Variants in WDR7 observed in about 807,000 individuals in gnomAD.
WDR7 encodes the protein WD repeat-containing protein 7.
In WDR7, 46 loss-of-function variants were observed where a neutral mutation model predicts 169.4. The ratio of observed to expected loss-of-function variants is 0.27; its 90% CI spans 0.21 to 0.35. WDR7 has a LOEUF of 0.35. WDR7 is among the 10% of genes least tolerant of loss of function. The pLI is 1.00. For synonymous variants in WDR7, 612 were observed against 666.8 expected, an observed-to-expected ratio of 0.92 and a Z score of 1.27; for missense variants, 1,534 against 1,859.3, an observed-to-expected ratio of 0.83 and a Z score of 3.22.
rs150230476 is a variant in WDR7, at chr18:56,767,480, G to A, written c.2848+8527G>A. ...AAGGCAATAAGCTGGGGTAATCATA[G>A]GATCACAGGGCTCACGTTGCTTGTC... On this transcript the variant is annotated intron_variant, in intron 16 of 27. Transcript: ENST00000254442. Among the ~76,000 whole-genome samples the A allele has an allele frequency of 9.0e-4, 137 of 152,270 alleles. 1 individual carries two copies. Among genetic ancestry groups the A allele is most frequent in the South Asian group, 5.0e-3 (24 of 4,826 alleles).
At chr18:56,681,427 AT>A in intron 4 of WDR7, 36 bp downstream of exon 4, 1 of 1,268,472 alleles carries the variant, frequency 7.9e-7, no homozygotes, top group Non-Finnish European at 1.1e-6. Context: ...AGTACAAACT[AT>A]TATAAGTATA....
intron 26 of WDR7, among the ~76,000 whole-genome samples, chr18:57,000,563 C>G (rs534533695): frequency 6.6e-6 from 1 of 152,198 alleles, no homozygotes; most frequent in East Asian, 1.9e-4. Flanking sequence ...AGAGAATTTG[C>G]TCATTGAACA....
chr18:56,925,552 C>T (rs2046794663), intron 22 of WDR7, among the ~76,000 whole-genome samples: 1 of 152,154 alleles, frequency 6.6e-6, no homozygotes, highest in Non-Finnish European at 1.5e-5. Context: ...AATGGTGTTT[C>T]ATTCTTGTCC....
In WDR7 at chr18:56,957,823, T is replaced by C. The variant is rs144744610; in HGVS notation, c.4065-4607T>C. ...GGTTAATCTTGGATTAATTGAAGAG[T>C]GTTTCTTGTTGCATTCTAATGTCCA... On this transcript the variant is annotated intron_variant, in intron 25 of 27. Transcript: ENST00000254442. Among the ~76,000 whole-genome samples the C allele has an allele frequency of 5.8e-3, 879 of 152,190 alleles. 3 individuals are homozygous for C. The highest frequency in any genetic ancestry group is 8.8e-3 in the Non-Finnish European group (599 of 67,998).
chr18:56,758,445 C>G (rs1371789560), intron 15 of WDR7, among the ~76,000 whole-genome samples: 1 of 152,156 alleles, frequency 6.6e-6, no homozygotes, highest in Non-Finnish European at 1.5e-5. Context: ...CTGAGACAGT[C>G]TGCCTCTATA....
intron 25 of WDR7, among the ~76,000 whole-genome samples, chr18:56,946,270 A>G (rs2047101873): frequency 6.6e-6 from 1 of 152,176 alleles, no homozygotes; most frequent in African/African-American, 2.4e-5. Context: ...TGCCATTTGC[A>G]TGGAGCCACC....
intron 17 of WDR7, among the ~76,000 whole-genome samples, chr18:56,778,665 A>C (rs1403243242): frequency 6.6e-6 from 1 of 152,104 alleles, no homozygotes; most frequent in Admixed American, 6.6e-5. Context: ...ATATTTTTAC[A>C]CTTTGCACTG....
chr18:56,920,671 T>C (rs2046704263), intron 21 of WDR7, among the ~76,000 whole-genome samples: 1 of 152,220 alleles, frequency 6.6e-6, no homozygotes, highest in Non-Finnish European at 1.5e-5. Flanking sequence ...TGAGATACTG[T>C]GGAATAGTGG....
intron 7 of WDR7, among the ~76,000 whole-genome samples, chr18:56,689,889 G>A (rs536216896): frequency 6.7e-6 from 1 of 148,744 alleles, no homozygotes; most frequent in East Asian, 1.9e-4. Context: ...AGTTTTCTTG[G>A]CTATAATTGT....
intron 1 of WDR7, among the ~76,000 whole-genome samples, chr18:56,656,624 C>T (rs1424657776): frequency 2.0e-5 from 3 of 149,966 alleles, no homozygotes; most frequent in African/African-American, 4.9e-5. Flanking sequence ...GATGATATCT[C>T]AGTGTGGTCT....
At chr18:56,945,463 T>A (rs2047091205) in intron 25 of WDR7, among the ~76,000 whole-genome samples, 1 of 152,204 alleles carries the variant, frequency 6.6e-6, no homozygotes, top group South Asian at 2.1e-4. Context: ...AAAATATGTG[T>A]GTAGTTTATA....
intron 26 of WDR7, among the ~76,000 whole-genome samples, chr18:56,984,420 T>TA (rs2047685615): frequency 6.6e-6 from 1 of 152,220 alleles, no homozygotes; most frequent in Non-Finnish European, 1.5e-5. Context: ...TATTCAAATA[T>TA]AATTCACACT....
intron 22 of WDR7, among the ~76,000 whole-genome samples, chr18:56,929,499 A>G (rs1375950650): frequency 6.6e-6 from 1 of 152,238 alleles, no homozygotes; most frequent in Non-Finnish European, 1.5e-5. Flanking sequence ...CATCTGATCC[A>G]GTATCCGTAA....
chr18:56,685,575 AGG>A (rs1285912957), intron 5 of WDR7, among the ~76,000 whole-genome samples: 1 of 152,166 alleles, frequency 6.6e-6, no homozygotes, highest in Non-Finnish European at 1.5e-5. Flanking sequence ...TATGTGGGAA[AGG>A]GGGAGAAATT....
At position 56,800,327 on chromosome 18, in the gene WDR7, C is replaced by T. The variant is rs369193475; in HGVS notation, c.3191-15704C>T. On this transcript the variant is annotated intron_variant, in intron 19 of 27. Coordinates refer to ENST00000254442, the MANE Select transcript of WDR7 (RefSeq NM_015285.3). ...TGTGCTTCTATAGATGCATTATGCT[C>T]ATTACAGTGTATGCATGTTTATATC... 3.2e-4 allele frequency among the ~76,000 whole-genome samples: 48 copies of T among 152,258 alleles called. 1 individual carries two copies. The East Asian group carries it at 7.7e-3, about 25-fold the overall frequency.
At chr18:56,821,490 A>C (rs2045095369) in intron 20 of WDR7, among the ~76,000 whole-genome samples, 1 of 152,184 alleles carries the variant, frequency 6.6e-6, no homozygotes. Context: ...CCTACTCTGC[A>C]CTGCCTCACA....
intron 26 of WDR7, among the ~76,000 whole-genome samples, chr18:57,000,823 C>T (rs916822889): frequency 6.6e-6 from 1 of 151,948 alleles, no homozygotes; most frequent in Non-Finnish European, 1.5e-5. Context: ...GAATCTTTAG[C>T]GTATAGAGGT....
At chr18:56,698,709 T>C (rs921295681) in intron 12 of WDR7, among the ~76,000 whole-genome samples, 2 of 152,168 alleles carry the variant, frequency 1.3e-5, no homozygotes, top group Non-Finnish European at 2.9e-5. Flanking sequence ...AATAGACATA[T>C]ATGCAACTAA....
At chr18:56,877,586 A>T (rs1230306512) in intron 20 of WDR7, among the ~76,000 whole-genome samples, 1 of 152,212 alleles carries the variant, frequency 6.6e-6, no homozygotes, top group Non-Finnish European at 1.5e-5. Context: ...ATGGACATGG[A>T]TATAAAAAAG....
Sources: allele counts gnomAD v4.1 joint callset (sites outside exome capture counted in the v4.1 genomes callset), GRCh38; gene constraint gnomAD v4.1.1; transcripts MANE v1.5; gene names NCBI Gene and HGNC (gene_info 2026-07-23, HGNC 2026-07-21).